Variants in DPP10 observed in about 807,000 individuals in gnomAD.
The protein encoded by DPP10 is dipeptidyl peptidase like 10.
A neutral mutation model predicts 120.9 loss-of-function variants in DPP10; 33 were observed. The observed-to-expected ratio is 0.27, with a 90% CI of 0.21 to 0.37. The LOEUF (loss-of-function observed/expected upper bound fraction) is 0.37. Among genes scored for constraint, DPP10 ranks in the 10% least tolerant of loss-of-function variants. The pLI, the probability that DPP10 is intolerant of heterozygous loss-of-function variation, is 1.00. For synonymous variants in DPP10, 337 were observed against 326.1 expected (o/e 1.03, Z -0.36); for missense variants, 816 against 942.8 (o/e 0.87, Z 1.76).
intron 1 of DPP10, among the ~76,000 whole-genome samples, chr2:115,022,776 C>T (rs145554340): frequency 1.3e-5 from 2 of 152,122 alleles, no homozygotes; most frequent in Non-Finnish European, 2.9e-5. Flanking sequence ...GTCATCAAAA[C>T]AGCATGGTAC....
chr2:115,519,019 A>G (rs908573221), intron 4 of DPP10, among the ~76,000 whole-genome samples: 2 of 152,202 alleles, frequency 1.3e-5, no homozygotes, highest in African/African-American at 4.8e-5. Flanking sequence ...TTGCATAAAT[A>G]TGGAAGTTAC....
chr2:114,603,356 CA>C (rs1169732818), intron 1 of DPP10, among the ~76,000 whole-genome samples: 1 of 152,044 alleles, frequency 6.6e-6, no homozygotes, highest in African/African-American at 2.4e-5. Flanking sequence ...GGCAGCATTG[CA>C]ACTCATGATT....
intron 1 of DPP10, among the ~76,000 whole-genome samples, chr2:115,003,145 A>C (rs1026469065): frequency 1.3e-5 from 2 of 149,174 alleles, no homozygotes; most frequent in African/African-American, 4.9e-5. Flanking sequence ...GATAAAGAAA[A>C]TGTGGTACAC....
At chr2:114,545,921 C>G (rs1035344269) in intron 1 of DPP10, among the ~76,000 whole-genome samples, 1 of 152,084 alleles carries the variant, frequency 6.6e-6, no homozygotes, top group African/African-American at 2.4e-5. Flanking sequence ...ATTTCATTAC[C>G]TGGGACATTT....
At chr2:114,443,402 T>A (rs756871747) in intron 1 of DPP10, among the ~76,000 whole-genome samples, 1 of 152,176 alleles carries the variant, frequency 6.6e-6, no homozygotes, top group Admixed American at 6.5e-5. Flanking sequence ...ACCAGTGAGA[T>A]GATTGGAGAC....
At chr2:115,339,442 CT>C (rs2063330535) in intron 2 of DPP10, among the ~76,000 whole-genome samples, 1 of 152,120 alleles carries the variant, frequency 6.6e-6, no homozygotes, top group Admixed American at 6.6e-5. Flanking sequence ...GACCCAGCAA[CT>C]GCATATTTGG....
At chr2:114,543,873 T>TTGG (rs1553459514) in intron 1 of DPP10, among the ~76,000 whole-genome samples, 4 of 116,760 alleles carry the variant, frequency 3.4e-5, no homozygotes, top group African/African-American at 1.4e-4. Context: ...GCTTGTTTTT[T>TTGG]TTGTTGTTGG....
intron 1 of DPP10, among the ~76,000 whole-genome samples, chr2:114,445,702 G>A (rs1573370337): frequency 6.6e-6 from 1 of 152,004 alleles, no homozygotes; most frequent in East Asian, 1.9e-4. Context: ...GAAATTGGGA[G>A]AAGTTATAAT....
At chr2:115,134,147 T>C (rs1405549900) in intron 1 of DPP10, among the ~76,000 whole-genome samples, 1 of 152,200 alleles carries the variant, frequency 6.6e-6, no homozygotes, top group African/African-American at 2.4e-5. Context: ...AAAAAGATCT[T>C]TTATGAGACA....
At chr2:115,520,794 A>G (rs1189609349) in intron 4 of DPP10, among the ~76,000 whole-genome samples, 3 of 152,200 alleles carry the variant, frequency 2.0e-5, no homozygotes, top group Admixed American at 6.5e-5. Flanking sequence ...ATTTCTTGCT[A>G]TGATCTTTAA....
intron 1 of DPP10, among the ~76,000 whole-genome samples, chr2:114,898,654 A>G (rs959584777): frequency 3.3e-5 from 5 of 152,202 alleles, no homozygotes; most frequent in African/African-American, 1.2e-4. Flanking sequence ...TATATTGGGT[A>G]GGACAATTAG....
At chr2:114,653,169 C>T (rs369039845) in intron 1 of DPP10, among the ~76,000 whole-genome samples, 16 of 152,032 alleles carry the variant, frequency 1.1e-4, no homozygotes, top group East Asian at 3.9e-4. Flanking sequence ...CTTTTGCAGA[C>T]GTAATTAGAG....
chr2:115,071,736 G>A (rs1007146173), intron 1 of DPP10, among the ~76,000 whole-genome samples: 1 of 152,052 alleles, frequency 6.6e-6, no homozygotes, highest in African/African-American at 2.4e-5. Context: ...TTCAGCAGTA[G>A]GTGAGGGCGT....
At chr2:114,753,403 G>A (rs1181622501) in intron 1 of DPP10, among the ~76,000 whole-genome samples, 1 of 152,116 alleles carries the variant, frequency 6.6e-6, no homozygotes, top group Non-Finnish European at 1.5e-5. Flanking sequence ...TTAGTGTTAT[G>A]CCTACAACAT....
At chr2:115,463,214 T>C (rs2074099744) in intron 3 of DPP10, among the ~76,000 whole-genome samples, 3 of 152,296 alleles carry the variant, frequency 2.0e-5, no homozygotes, top group South Asian at 4.1e-4. Flanking sequence ...ATGCATTACT[T>C]TGTAAGTTCT....
At chr2:115,466,025 C>T (rs1158279676) in intron 3 of DPP10, among the ~76,000 whole-genome samples, 2 of 152,028 alleles carry the variant, frequency 1.3e-5, no homozygotes, top group African/African-American at 2.4e-5. Flanking sequence ...TTTAAAAGAA[C>T]TCACTATTAC....
chr2:115,611,570 C>T (rs750516491), intron 5 of DPP10, among the ~76,000 whole-genome samples: 6 of 152,154 alleles, frequency 3.9e-5, no homozygotes, highest in Non-Finnish European at 8.8e-5. Context: ...TTTCTAACTT[C>T]CTCCAGAAAT....
chr2:114,537,578 A>G (rs1686616462), intron 1 of DPP10, among the ~76,000 whole-genome samples: 1 of 152,174 alleles, frequency 6.6e-6, no homozygotes, highest in African/African-American at 2.4e-5. Flanking sequence ...AGATCATAAT[A>G]GCAATAATGA....
intron 1 of DPP10, among the ~76,000 whole-genome samples, chr2:114,540,157 G>T (rs1050097986): frequency 4.6e-5 from 7 of 152,148 alleles, no homozygotes; most frequent in African/African-American, 1.4e-4. Context: ...TCCAAATAAG[G>T]TATCAAATGC....
Sources: gnomAD v4.1 joint callset for allele counts (sites outside exome capture counted in the v4.1 genomes callset) on GRCh38, gnomAD v4.1.1 for gene constraint, MANE v1.5 for transcripts, NCBI Gene and HGNC (gene_info 2026-07-23, HGNC 2026-07-21) for gene names.